The following NFIA variants were observed in gnomAD, a reference collection of about 807,000 sequenced individuals.
NFIA encodes nuclear factor 1 A-type.
Under a neutral mutation model 62.8 loss-of-function variants are expected in NFIA, and 8 were observed. The ratio of observed to expected loss-of-function variants is 0.13; its 90% CI spans 0.07 to 0.23. The LOEUF is 0.23. Among genes scored for constraint, NFIA ranks in the 10% least tolerant of loss-of-function variants. The pLI, the probability that NFIA is intolerant of heterozygous loss-of-function variation, is 1.00. For synonymous variants in NFIA, 235 were observed against 238.1 expected (o/e 0.99, Z 0.12); for missense variants, 410 against 642.1 (o/e 0.64, Z 3.91).
intron 5 of NFIA, among the ~76,000 whole-genome samples, chr1:61,355,058 T>C (rs539189181): frequency 6.6e-6 from 1 of 152,306 alleles, no homozygotes; most frequent in African/African-American, 2.4e-5. Context: ...GTAAGACTTC[T>C]AGGCCGTAAT....
At chr1:61,174,038 A>G (rs1022930404) in intron 2 of NFIA, among the ~76,000 whole-genome samples, 3 of 152,314 alleles carry the variant, frequency 2.0e-5, no homozygotes, top group Middle Eastern at 6.8e-3. Flanking sequence ...GGATGGAGAC[A>G]AGGATGGCTT....
chr1:61,254,790 C>A (rs888913355), intron 2 of NFIA, among the ~76,000 whole-genome samples: 4 of 152,154 alleles, frequency 2.6e-5, no homozygotes, highest in African/African-American at 9.7e-5. Context: ...GTGGACACAC[C>A]CTTCCTCTGC....
intron 2 of NFIA, among the ~76,000 whole-genome samples, chr1:61,128,116 A>T (rs935255738): frequency 6.6e-6 from 1 of 152,018 alleles, no homozygotes. Context: ...TAATTTTTAA[A>T]TTTTTATTCA....
intron 2 of NFIA, among the ~76,000 whole-genome samples, chr1:61,162,911 G>C (rs1649317245): frequency 6.6e-6 from 1 of 150,512 alleles, no homozygotes; most frequent in Non-Finnish European, 1.5e-5. Context: ...ATACCTTAAA[G>C]ATCTTTTATC....
chr1:61,170,430 A>G (rs1368160578), intron 2 of NFIA, among the ~76,000 whole-genome samples: 1 of 152,164 alleles, frequency 6.6e-6, no homozygotes, highest in Non-Finnish European at 1.5e-5. Context: ...AATTATGGAC[A>G]AGACCTACAT....
chr1:61,181,835 TAAAC>T (rs377642132), intron 2 of NFIA, among the ~76,000 whole-genome samples: 1 of 152,298 alleles, frequency 6.6e-6, no homozygotes, highest in African/African-American at 2.4e-5. Context: ...TATCAAAATA[TAAAC>T]AAATAAAAGT....
chr1:61,380,815 C>T (rs138422740), intron 6 of NFIA, among the ~76,000 whole-genome samples: 5 of 152,130 alleles, frequency 3.3e-5, no homozygotes, highest in African/African-American at 7.2e-5. Flanking sequence ...GTATTTCTTC[C>T]GTCTTTAACC....
At chr1:61,256,411 G>T (rs1229545960) in intron 2 of NFIA, among the ~76,000 whole-genome samples, 4 of 144,964 alleles carry the variant, frequency 2.8e-5, no homozygotes, top group Non-Finnish European at 6.0e-5. Flanking sequence ...ACTCCAGCCT[G>T]GGTGAGAAAG....
At chr1:61,381,665 A>G (rs1664421007) in intron 6 of NFIA, among the ~76,000 whole-genome samples, 1 of 152,158 alleles carries the variant, frequency 6.6e-6, no homozygotes, top group Non-Finnish European at 1.5e-5. Flanking sequence ...TTAAGCATCT[A>G]TTCATGAAGC....
intron 5 of NFIA, among the ~76,000 whole-genome samples, chr1:61,358,907 C>G (rs774425675): frequency 3.3e-5 from 5 of 152,184 alleles, no homozygotes; most frequent in Admixed American, 6.5e-5. Flanking sequence ...CAGGATGTGG[C>G]AGCAGCAGCA....
chr1:61,216,428 C>T (rs1653629416), intron 2 of NFIA, among the ~76,000 whole-genome samples: 1 of 152,168 alleles, frequency 6.6e-6, no homozygotes, highest in African/African-American at 2.4e-5. Flanking sequence ...CTACTTCTTG[C>T]TCTGGGTAAA....
chr1:61,296,418 C>CA (rs1173164919), intron 3 of NFIA, among the ~76,000 whole-genome samples: 1 of 152,148 alleles, frequency 6.6e-6, no homozygotes, highest in East Asian at 1.9e-4. Flanking sequence ...ACAATCAGCT[C>CA]AGAGACAAAA....
In NFIA at chr1:61,455,736, A is replaced by G. The variant is rs1417492865; in HGVS notation, c.*416A>G. 1 of 228,874 alleles carries G rather than the reference A, an allele frequency of 4.4e-6. No individual in the cohort carries two copies. The highest frequency in any genetic ancestry group is 8.4e-6 in the Non-Finnish European group (1 of 118,960). The allele number at this position is 228,874 out of a possible 1,614,324, so 14.2% of individuals were successfully genotyped here. ...TCATGAATTTACCCACACAGGTGTG[A>G]TCCTCCTTGAGCATTGAGGAGGCAC... On this transcript the variant is annotated 3_prime_UTR_variant, in exon 11 of 11. Coordinates refer to ENST00000403491, the MANE Select transcript of NFIA (RefSeq NM_001134673.4).
chr1:61,142,859 C>T (rs778522695), intron 2 of NFIA, among the ~76,000 whole-genome samples: 25 of 152,060 alleles, frequency 1.6e-4, no homozygotes, highest in Non-Finnish European at 2.8e-4. Context: ...AAGAGAGAGC[C>T]GGGGATGGAC....
intron 3 of NFIA, among the ~76,000 whole-genome samples, chr1:61,316,830 A>G (rs1017781149): frequency 2.6e-5 from 4 of 152,238 alleles, no homozygotes; most frequent in Admixed American, 6.5e-5. Context: ...ATTTAAAGCT[A>G]TAAGGAATCA....
At chr1:61,103,249 C>T (rs142351288) in intron 2 of NFIA, among the ~76,000 whole-genome samples, 25 of 152,278 alleles carry the variant, frequency 1.6e-4, no homozygotes, top group Non-Finnish European at 3.1e-4. Context: ...TATTGTAGTA[C>T]AGGTATATGC....
At chr1:61,153,307 A>G (rs763792728) in intron 2 of NFIA, among the ~76,000 whole-genome samples, 3 of 152,330 alleles carry the variant, frequency 2.0e-5, no homozygotes, top group Non-Finnish European at 4.4e-5. Flanking sequence ...GTCTATAAGC[A>G]TTTATGATTC....
At chr1:61,438,744 G>A (rs1361542377) in intron 10 of NFIA, among the ~76,000 whole-genome samples, 1 of 151,806 alleles carries the variant, frequency 6.6e-6, no homozygotes, top group Non-Finnish European at 1.5e-5. Context: ...GGATAAGAGA[G>A]GGAAGGAAAA....
chr1:61,180,697 G>T (rs1650703427), intron 2 of NFIA, among the ~76,000 whole-genome samples: 1 of 152,138 alleles, frequency 6.6e-6, no homozygotes, highest in African/African-American at 2.4e-5. Flanking sequence ...ATGGTCTGAT[G>T]GGGTCATGGT....
Sources: allele counts gnomAD v4.1 joint callset (sites outside exome capture counted in the v4.1 genomes callset), GRCh38; gene constraint gnomAD v4.1.1; transcripts MANE v1.5; gene names NCBI Gene and HGNC (gene_info 2026-07-23, HGNC 2026-07-21).